The following RAB11FIP3 variants were observed in gnomAD, a reference collection of about 807,000 sequenced individuals.
RAB11FIP3 encodes the protein RAB11 family interacting protein 3.
RAB11FIP3 carries 17 observed loss-of-function variants against 77.8 expected under a neutral mutation model. The ratio of observed to expected loss-of-function variants is 0.22; its 90% confidence interval spans 0.15 to 0.33. The LOEUF (loss-of-function observed/expected upper bound fraction) is 0.33. Ranked by LOEUF, RAB11FIP3 falls within the 10% of genes least tolerant of loss-of-function variation. RAB11FIP3 has a pLI of 1.00. For missense variants in RAB11FIP3, 1,005 were observed against 1,011.2 expected (o/e 0.99, Z 0.08); for synonymous variants, 437 against 448.2 (o/e 0.98, Z 0.31).
Position 507,613 on chromosome 16 carries a change from G to C in RAB11FIP3, c.1499+1986G>C, listed in dbSNP as rs1438019858. 6.6e-6 allele frequency among the ~76,000 whole-genome samples: 1 copy of C among 152,182 alleles called. No individual in the cohort carries two copies. Among genetic ancestry groups the C allele is most frequent in the Non-Finnish European group, 1.5e-5 (1 of 68,042 alleles). On this transcript the variant is annotated intron_variant, in intron 8 of 13. Transcript: ENST00000262305. The surrounding 1 kb of genome is among the most constrained non-coding windows in gnomAD (Gnocchi z 4.6). ...TCTGGAGTATGTTCATCTGTTTTCC[G>C]TGTGTGTGGTGTGAAGTCCACACTG...
At chr16:428,646 C>T (rs1410240737) in intron 1 of RAB11FIP3, among the ~76,000 whole-genome samples, 2 of 152,134 alleles carry the variant, frequency 1.3e-5, no homozygotes, top group Non-Finnish European at 2.9e-5. Context: ...CTCCCAAGGT[C>T]TCACAGGAGT....
At chr16:428,091 A>C (rs983653222) in intron 1 of RAB11FIP3, among the ~76,000 whole-genome samples, 1 of 125,564 alleles carries the variant, frequency 8.0e-6, no homozygotes, top group African/African-American at 3.6e-5. Context: ...ACAGAGCGAG[A>C]CTTCGTCTCA....
intron 4 of RAB11FIP3, among the ~76,000 whole-genome samples, chr16:483,039 G>T (rs915416450): frequency 1.3e-5 from 2 of 152,144 alleles, no homozygotes; most frequent in Non-Finnish European, 2.9e-5. Context: ...GTCTCGGCAG[G>T]GTTTTGGAAC....
At chr16:497,822 A>G (rs907294049) in intron 6 of RAB11FIP3, among the ~76,000 whole-genome samples, 1 of 151,842 alleles carries the variant, frequency 6.6e-6, no homozygotes, top group African/African-American at 2.4e-5. Context: ...ATTTTCCTGT[A>G]AGATTTTTGA....
At chr16:444,634 G>A (rs916137951) in intron 1 of RAB11FIP3, among the ~76,000 whole-genome samples, 1 of 150,722 alleles carries the variant, frequency 6.6e-6, no homozygotes, top group Admixed American at 6.6e-5. Context: ...TTTTACTTGA[G>A]GTCAGGAGTT....
At chr16:491,701 A>G (rs1020270223) in intron 5 of RAB11FIP3, among the ~76,000 whole-genome samples, 6 of 152,220 alleles carry the variant, frequency 3.9e-5, no homozygotes, top group African/African-American at 1.4e-4. Context: ...GAGGGAGCTC[A>G]CTGTGTCTCA....
rs112778664 is a variant in RAB11FIP3, at chr16:482,752, C to T, written c.1115+16C>T. The T allele has an allele frequency of 1.3e-5, 21 of 1,577,886 alleles. No homozygotes were observed. The highest frequency in any genetic ancestry group is 1.6e-5 in the Non-Finnish European group (19 of 1,165,330). On this transcript the variant is annotated intron_variant, in intron 4 of 13. Transcript: ENST00000262305. ...TCCCAGGCAGGTCTGTACCCCGCCACGGGCCTCCTGGAGAGGCCTTGGGAT... is the reference window on the plus strand; with the variant it reads ...TCCCAGGCAGGTCTGTACCCCGCCATGGGCCTCCTGGAGAGGCCTTGGGAT...
At chr16:470,002 C>CT (rs1009498454) in intron 2 of RAB11FIP3, among the ~76,000 whole-genome samples, 127 of 148,710 alleles carry the variant, frequency 8.5e-4, no homozygotes, top group African/African-American at 2.1e-3. Flanking sequence ...TTCTTTCTTT[C>CT]TTTTTTTTTT....
At chr16:491,375 G>A in intron 5 of RAB11FIP3, 1 of 1,180,088 alleles carries the variant, frequency 8.5e-7, no homozygotes, top group Non-Finnish European at 1.1e-6. Context: ...GAGCCTCTCA[G>A]GCAGCGGGAC....
At chr16:516,489 G>A (rs1014993217) in intron 9 of RAB11FIP3, among the ~76,000 whole-genome samples, 1 of 152,236 alleles carries the variant, frequency 6.6e-6, no homozygotes, top group African/African-American at 2.4e-5. Flanking sequence ...GCCAAAGCTG[G>A]AACAGTTTAA....
chr16:503,839 G>A (rs1015914524), intron 7 of RAB11FIP3, among the ~76,000 whole-genome samples: 4 of 151,826 alleles, frequency 2.6e-5, no homozygotes, highest in South Asian at 2.1e-4. Flanking sequence ...GAGATTGCAC[G>A]ACTGCACTCC....
At chr16:438,089 A>T (rs1009071388) in intron 1 of RAB11FIP3, among the ~76,000 whole-genome samples, 3 of 151,808 alleles carry the variant, frequency 2.0e-5, no homozygotes, top group African/African-American at 7.3e-5. Flanking sequence ...GATTACAGGC[A>T]TCAGCCACTG....
chr16:449,304 G>A (rs2055369130), intron 1 of RAB11FIP3, among the ~76,000 whole-genome samples: 1 of 152,128 alleles, frequency 6.6e-6, no homozygotes, highest in Non-Finnish European at 1.5e-5. Context: ...GCTCATTCAG[G>A]TGCTCAGCAG....
At chr16:517,770 ACTT>A (rs1164929473) in intron 9 of RAB11FIP3, among the ~76,000 whole-genome samples, 3 of 152,004 alleles carry the variant, frequency 2.0e-5, no homozygotes, top group Non-Finnish European at 2.9e-5. Context: ...TGTGTCTGCT[ACTT>A]CTTTTTTTCT....
intron 3 of RAB11FIP3, among the ~76,000 whole-genome samples, chr16:478,773 C>T (rs1357343152): frequency 6.6e-6 from 1 of 151,858 alleles, no homozygotes; most frequent in Non-Finnish European, 1.5e-5. Context: ...CAAGACCAGC[C>T]TGGGCAACAT....
chr16:449,903 G>C (rs1409538619), intron 1 of RAB11FIP3, among the ~76,000 whole-genome samples: 1 of 151,266 alleles, frequency 6.6e-6, no homozygotes, highest in Non-Finnish European at 1.5e-5. Context: ...GTGAGCCAAG[G>C]TCGTGCCACT....
At position 471,497 on chromosome 16, in the gene RAB11FIP3, C is replaced by A. The variant is rs574490395; in HGVS notation, c.903+108C>A. 8 of 1,002,286 alleles carry A rather than the reference C, an allele frequency of 8.0e-6. No individual in the cohort carries two copies. The highest frequency in any genetic ancestry group is 1.4e-5 in the South Asian group (1 of 70,842). The allele number at this position is 1,002,286 out of a possible 1,614,324, so 62.1% of individuals were successfully genotyped here. The stretch of plus-strand genomic sequence containing the variant: ...CCGGGCTGTCTTCCGTAGAAGCTGG[C>A]GTGAAGGAAGGGCCTCCCGCCCTGT... On this transcript the variant is annotated intron_variant, in intron 3 of 13. Coordinates refer to ENST00000262305, the MANE Select transcript of RAB11FIP3 (RefSeq NM_014700.4). This position sits in a 1 kb window ranked among gnomAD's most constrained non-coding sequence, Gnocchi z 4.4.
rs1333873492 is a variant in RAB11FIP3, at chr16:522,119, C to G, written c.*1280C>G. 1.3e-5 allele frequency: 2 copies of G among 150,480 alleles called. No individual in the cohort carries two copies. The highest frequency in any genetic ancestry group is 1.3e-4 in the Admixed American group (2 of 15,182). The allele number at this position is 150,480 out of a possible 1,614,324, so 9.3% of individuals were successfully genotyped here. A position where few individuals can be genotyped will look rare whatever the true frequency, so the allele number is the denominator to read the frequency against. On this transcript the variant is annotated 3_prime_UTR_variant, in exon 14 of 14. Coordinates refer to ENST00000262305, the MANE Select transcript of RAB11FIP3 (RefSeq NM_014700.4). ...CCTCCTATTGTACATTTGGGGAAAG[C>G]CTTGGGTGTAAATCAGTGTAAACTT...
intron 6 of RAB11FIP3, chr16:497,304 C>G: frequency 7.7e-7 from 1 of 1,304,308 alleles, no homozygotes; most frequent in Non-Finnish European, 1.0e-6. Context: ...TCGTATAGAT[C>G]TGTTGGCTTC....
Sources: gnomAD v4.1 joint callset for allele counts (sites outside exome capture counted in the v4.1 genomes callset) on GRCh38, gnomAD v4.1.1 for gene constraint, Gnocchi (gnomAD v3.1) non-coding constraint, MANE v1.5 for transcripts, NCBI Gene and HGNC (gene_info 2026-07-23, HGNC 2026-07-21) for gene names.